Variants in FAM149A observed in about 807,000 individuals in gnomAD.
The protein encoded by FAM149A is protein FAM149A.
A neutral mutation model predicts 78.2 loss-of-function variants in FAM149A; 71 were observed. The ratio of observed to expected loss-of-function variants is 0.91; its 90% CI spans 0.75 to 1.11. The LOEUF is 1.11. FAM149A is among the 50% of genes least tolerant of loss of function. FAM149A has a pLI of 0.00. For missense variants in FAM149A, 1,036 were observed against 971.0 expected (o/e 1.07, Z -0.89); for synonymous variants, 446 against 410.5 (o/e 1.09, Z -1.04).
intron 1 of FAM149A, among the ~76,000 whole-genome samples, chr4:186,139,913 CTG>C (rs2099325081): frequency 6.6e-6 from 1 of 152,186 alleles, no homozygotes; most frequent in Non-Finnish European, 1.5e-5. Context: ...ATGTAAAAAA[CTG>C]TATGTAACTT....
At position 186,156,077 on chromosome 4, in the gene FAM149A, C is replaced by G. The variant is rs368472968; in HGVS notation, c.1307C>G (p.Pro436Arg). 2 of 1,613,884 alleles carry G rather than the reference C, an allele frequency of 1.2e-6. No individual in the cohort carries two copies. The highest frequency in any genetic ancestry group is 1.7e-5 in the Admixed American group (1 of 60,006). Reference sequence around the variant, plus strand: ...AAACTCGGACTTCCTCCTGTTTCCCCGCGTGACTGTGTCAAAGATGCCGTG... The same window carrying G: ...AAACTCGGACTTCCTCCTGTTTCCCGGCGTGACTGTGTCAAAGATGCCGTG... Residue 436 changes from proline to arginine, a missense_variant, in exon 7 of 14, where the codon CCG (proline) becomes CGG (arginine). This residue lies in a region of FAM149A where 716 missense variants were observed against 711.8 expected (regional missense o/e 1.01). Coordinates refer to ENST00000389354, the MANE Select transcript of FAM149A (RefSeq NM_001367768.3).
intron 4 of FAM149A, 125 bp downstream of exon 4, chr4:186,152,170 G>T (rs145217237): frequency 3.5e-6 from 3 of 851,518 alleles, no homozygotes; most frequent in South Asian, 1.6e-5. Flanking sequence ...GATGCAGAGC[G>T]CAGTCCTTCA....
chr4:186,166,926 A>G (rs2126544423), intron 11 of FAM149A, 42 bp from the exon 12 acceptor site: 1 of 1,583,152 alleles, frequency 6.3e-7, no homozygotes, highest in African/African-American at 1.4e-5. Context: ...GTTTTTAAGG[A>G]TTGCATTTAT....
chr4:186,119,734 GA>G (rs1370128499), intron 1 of FAM149A, among the ~76,000 whole-genome samples: 2 of 152,180 alleles, frequency 1.3e-5, no homozygotes, highest in African/African-American at 4.8e-5. Context: ...CTATTTCAGA[GA>G]ATGTCGCTCT....
chr4:186,150,566 C>T (rs1486066386), intron 3 of FAM149A, among the ~76,000 whole-genome samples: 1 of 74,724 alleles, frequency 1.3e-5, no homozygotes, highest in Non-Finnish European at 2.8e-5. Context: ...ACCACAGGCG[C>T]CCACCACCAC....
At chr4:186,154,211 G>T (rs56043786) in intron 5 of FAM149A, among the ~76,000 whole-genome samples, 52,821 of 152,140 alleles carry the variant, frequency 0.35, 10,589 homozygotes, top group East Asian at 0.5. Flanking sequence ...GTGACACAAT[G>T]CAGTCCTTTC....
intron 1 of FAM149A, among the ~76,000 whole-genome samples, chr4:186,130,327 CAG>C (rs1490780033): frequency 1.3e-5 from 1 of 75,504 alleles, no homozygotes; most frequent in Non-Finnish European, 2.7e-5. Flanking sequence ...TCTATATCGA[CAG>C]AACTAAAAGG....
At chr4:186,152,833 C>T (rs765906415) in intron 4 of FAM149A, among the ~76,000 whole-genome samples, 24 of 152,092 alleles carry the variant, frequency 1.6e-4, no homozygotes, top group African/African-American at 4.3e-4. Flanking sequence ...CATGAGCCAC[C>T]GCGCCCGGCC....
chr4:186,141,954 A>G (rs1025433099), intron 1 of FAM149A, among the ~76,000 whole-genome samples: 1 of 152,216 alleles, frequency 6.6e-6, no homozygotes, highest in African/African-American at 2.4e-5. Flanking sequence ...GAGTGATGGA[A>G]GCGCCACTGG....
intron 1 of FAM149A, among the ~76,000 whole-genome samples, chr4:186,136,954 C>T (rs868679224): frequency 2.7e-5 from 3 of 111,446 alleles, no homozygotes; most frequent in East Asian, 2.5e-4. Context: ...CTCTCTCTCT[C>T]TCTCTCTCTT....
chr4:186,117,736 G>A, intron 1 of FAM149A: 1 of 897,954 alleles, frequency 1.1e-6, no homozygotes, highest in Non-Finnish European at 1.3e-6. Flanking sequence ...TAGAGAAGTG[G>A]CAGGAGCAGG....
intron 1 of FAM149A, among the ~76,000 whole-genome samples, chr4:186,136,976 T>TTCTCTCTCTCTCTCTCTCTCTCTC (rs70964917): frequency 1.4e-5 from 1 of 72,120 alleles, no homozygotes; most frequent in African/African-American, 6.1e-5. Context: ...CTCTCTCTCT[T>TTCTCTCTCTCTCTCTCTCTCTCTC]TCTCTCTCTC....
At chr4:186,143,407 T>C (rs4861702) in intron 1 of FAM149A, among the ~76,000 whole-genome samples, 136,259 of 151,782 alleles carry the variant, frequency 0.9, 61,375 homozygotes, top group African/African-American at 0.97. Context: ...TGTATACACA[T>C]ACACACACAT....
rs1189160896 is a variant in FAM149A at position 186,172,860 on chromosome 4, C to T, written c.*873C>T. Among the ~76,000 whole-genome samples the T allele has an allele frequency of 9.0e-6, 1 of 111,346 alleles. No individual in the cohort carries two copies. Among genetic ancestry groups the T allele is most frequent in the East Asian group, 2.2e-4 (1 of 4,448 alleles). 73.0% of individuals were successfully genotyped at this position (111,346 alleles called of 152,430 possible). ...CTTCAGAGTGTGTTTCCCCATCTGA[C>T]ATTACTGTAGAAAATGGAGCAGAGA... On this transcript the variant is annotated 3_prime_UTR_variant, in exon 14 of 14. Coordinates refer to ENST00000389354, the MANE Select transcript of FAM149A (RefSeq NM_001367768.3).
At chr4:186,108,646 T>G (rs4862637) in intron 1 of FAM149A, among the ~76,000 whole-genome samples, 110,640 of 151,542 alleles carry the variant, frequency 0.73, 40,855 homozygotes, top group East Asian at 0.88. Context: ...AGGATACTGA[T>G]CTCTCTGTCT....
Position 186,128,914 on chromosome 4 carries a change from CT to C in FAM149A, c.567-20257del, listed in dbSNP as rs551308941. 2.9e-3 allele frequency among the ~76,000 whole-genome samples: 426 copies of C among 148,568 alleles called. 2 individuals carry two copies. The highest frequency in any genetic ancestry group is 0.01 in the African/African-American group (410 of 40,312). On this transcript the variant is annotated intron_variant, in intron 1 of 13. Coordinates refer to ENST00000389354, the MANE Select transcript of FAM149A (RefSeq NM_001367768.3). ...TATGTGTGTGTGTCTGGGTATGCGT[CT>C]TATGTGTTTCTGTGTGTGTGCATCT... is the stretch of plus-strand genomic sequence containing the variant.
chr4:186,130,263 A>ATCTATCTCTCTCTCTCTCTCTCTCTC (rs2099320016), intron 1 of FAM149A: 1 of 67,098 alleles, frequency 1.5e-5, no homozygotes, highest in Non-Finnish European at 2.8e-5. Flanking sequence ...ACTTTATGAA[A>ATCTATCTCTCTCTCTCTCTCTCTCTC]TCTCTCTCTC....
intron 1 of FAM149A, among the ~76,000 whole-genome samples, chr4:186,143,149 CTTTTTT>C (rs141403092): frequency 2.4e-5 from 2 of 85,038 alleles, no homozygotes; most frequent in Non-Finnish European, 4.9e-5. Flanking sequence ...TCGATTTTTA[CTTTTTT>C]TTTTTTTTTT....
At chr4:186,169,986 A>AT (rs1735391016) in intron 13 of FAM149A, 1 of 949,590 alleles carries the variant, frequency 1.1e-6, no homozygotes, top group Non-Finnish European at 1.3e-6. Flanking sequence ...CTCCTTAACC[A>AT]TTTTTTTAAT....
Sources: allele counts gnomAD v4.1 joint callset (sites outside exome capture counted in the v4.1 genomes callset), GRCh38; gene constraint gnomAD v4.1.1; regional missense constraint gnomAD v4.1.1; transcripts MANE v1.5; gene names NCBI Gene and HGNC (gene_info 2026-07-23, HGNC 2026-07-21).